Variants in TAFA1 observed in about 807,000 individuals in gnomAD.
TAFA1 encodes chemokine-like protein TAFA-1.
A neutral mutation model predicts 18.5 loss-of-function variants in TAFA1; 4 were observed. The ratio of observed to expected loss-of-function variants is 0.22; its 90% CI spans 0.11 to 0.49. The LOEUF is 0.49. Among genes scored for constraint, TAFA1 ranks in the 20% least tolerant of loss-of-function variants. TAFA1 has a pLI of 0.98. For synonymous variants in TAFA1, 56 were observed against 55.2 expected (o/e 1.01, Z -0.06); for missense variants, 147 against 169.0 (o/e 0.87, Z 0.72).
chr3:68,535,612 C>T (rs999699763), intron 3 of TAFA1, among the ~76,000 whole-genome samples: 4 of 152,016 alleles, frequency 2.6e-5, no homozygotes, highest in Non-Finnish European at 4.4e-5. Flanking sequence ...GCAAAATTAC[C>T]CTTGAGAAGT....
chr3:68,211,105 A>T (rs757824523), intron 2 of TAFA1, among the ~76,000 whole-genome samples: 16 of 152,152 alleles, frequency 1.1e-4, no homozygotes, highest in Admixed American at 5.2e-4. Context: ...CCAAGAGAGA[A>T]CAAGGCAGCC....
At chr3:68,538,918 A>G in intron 4 of TAFA1, 38 bp downstream of exon 4, 2 of 1,608,030 alleles carry the variant, frequency 1.2e-6, no homozygotes, top group South Asian at 1.1e-5. Context: ...TGGATGTTAC[A>G]GACTGTACTA....
intron 2 of TAFA1, among the ~76,000 whole-genome samples, chr3:68,397,140 C>CT (rs1374620619): frequency 6.6e-6 from 1 of 151,914 alleles, no homozygotes; most frequent in Non-Finnish European, 1.5e-5. Context: ...CGTTTTCTTT[C>CT]TTTTTTTTAA....
chr3:68,427,709 G>C (rs549062062), intron 3 of TAFA1, among the ~76,000 whole-genome samples: 8 of 151,808 alleles, frequency 5.3e-5, no homozygotes, highest in Admixed American at 4.6e-4. Flanking sequence ...GATAAAGTTT[G>C]GCTGTGTCCC....
chr3:68,374,032 G>A (rs1258565483), intron 2 of TAFA1, among the ~76,000 whole-genome samples: 1 of 152,128 alleles, frequency 6.6e-6, no homozygotes. Flanking sequence ...CGGAACCTGA[G>A]GGCAGGAATG....
intron 3 of TAFA1, among the ~76,000 whole-genome samples, chr3:68,419,493 C>G (rs1405223695): frequency 6.6e-6 from 1 of 152,118 alleles, no homozygotes; most frequent in Admixed American, 6.5e-5. Context: ...ATGTTACTGT[C>G]AAACAATGAG....
rs186753948 is a variant in TAFA1 at position 68,179,658 on chromosome 3, T to A, written c.118+172914T>A. ...GAGAACACTGAAAATGTTTTCTTTGTAAAGTTTCCAAAGTAACATCAGCTA... is the reference window on the plus strand; with the variant it reads ...GAGAACACTGAAAATGTTTTCTTTGAAAAGTTTCCAAAGTAACATCAGCTA... On this transcript the variant is annotated intron_variant, in intron 2 of 4. Coordinates refer to ENST00000478136, the MANE Select transcript of TAFA1 (RefSeq NM_213609.4). 2.6e-5 allele frequency among the ~76,000 whole-genome samples: 4 copies of A among 152,354 alleles called. No homozygotes were observed. In the East Asian group the frequency reaches 5.8e-4, roughly 22 times the overall value.
chr3:68,503,467 G>C (rs548597011), intron 3 of TAFA1, among the ~76,000 whole-genome samples: 1 of 152,244 alleles, frequency 6.6e-6, no homozygotes, highest in Non-Finnish European at 1.5e-5. Flanking sequence ...GATATGAAAT[G>C]TCCAGAATAG....
chr3:68,383,047 G>A (rs1176575219), intron 2 of TAFA1, among the ~76,000 whole-genome samples: 1 of 152,112 alleles, frequency 6.6e-6, no homozygotes. Context: ...TTTGTACATT[G>A]ATTTTGTATC....
chr3:68,143,636 C>G (rs542066923), intron 2 of TAFA1, among the ~76,000 whole-genome samples: 19 of 152,276 alleles, frequency 1.2e-4, no homozygotes, highest in African/African-American at 4.6e-4. Flanking sequence ...CCAGAAGAGT[C>G]TTCGGACATG....
chr3:68,339,105 G>C (rs955624020), intron 2 of TAFA1, among the ~76,000 whole-genome samples: 4 of 152,220 alleles, frequency 2.6e-5, no homozygotes, highest in Non-Finnish European at 5.9e-5. Flanking sequence ...ACCAATATCA[G>C]TGTGATGAGA....
intron 2 of TAFA1, among the ~76,000 whole-genome samples, chr3:68,197,894 G>T (rs1438802162): frequency 1.3e-5 from 2 of 151,668 alleles, no homozygotes; most frequent in African/African-American, 4.8e-5. Context: ...GACTTGAATT[G>T]TATGTAGTTA....
intron 2 of TAFA1, among the ~76,000 whole-genome samples, chr3:68,299,752 C>A (rs1362616509): frequency 6.6e-6 from 1 of 152,198 alleles, no homozygotes; most frequent in African/African-American, 2.4e-5. Flanking sequence ...AGTCTTGGGA[C>A]TTGGTGTCCT....
chr3:68,444,770 A>AT (rs2071445990), intron 3 of TAFA1, among the ~76,000 whole-genome samples: 1 of 53,792 alleles, frequency 1.9e-5, no homozygotes, highest in Non-Finnish European at 3.4e-5. Context: ...TGTTTCTACA[A>AT]AATATATATA....
chr3:68,532,147 C>T (rs1252499728), intron 3 of TAFA1, among the ~76,000 whole-genome samples: 1 of 152,036 alleles, frequency 6.6e-6, no homozygotes, highest in African/African-American at 2.4e-5. Flanking sequence ...CATGGGAGTC[C>T]CACAAATGTG....
At chr3:68,471,676 G>A (rs916063160) in intron 3 of TAFA1, among the ~76,000 whole-genome samples, 1 of 152,136 alleles carries the variant, frequency 6.6e-6, no homozygotes, top group Non-Finnish European at 1.5e-5. Context: ...ATTAGATGGT[G>A]CCCACCCAAA....
At chr3:68,286,180 C>T (rs990020813) in intron 2 of TAFA1, among the ~76,000 whole-genome samples, 6 of 152,100 alleles carry the variant, frequency 3.9e-5, no homozygotes, top group Admixed American at 3.9e-4. Context: ...CACTGCACTC[C>T]AGCCTGGTGA....
intron 3 of TAFA1, among the ~76,000 whole-genome samples, chr3:68,525,992 T>G (rs1219992684): frequency 6.6e-6 from 1 of 152,220 alleles, no homozygotes; most frequent in Non-Finnish European, 1.5e-5. Context: ...CTCAGCCACC[T>G]ATGACAGCTT....
intron 3 of TAFA1, among the ~76,000 whole-genome samples, chr3:68,437,950 A>G (rs2106856892): frequency 6.6e-6 from 1 of 152,248 alleles, no homozygotes; most frequent in Non-Finnish European, 1.5e-5. Flanking sequence ...TCCAAGACAC[A>G]CGGTGGGAGA....
Sources: allele counts gnomAD v4.1 joint callset (sites outside exome capture counted in the v4.1 genomes callset), GRCh38; gene constraint gnomAD v4.1.1; transcripts MANE v1.5; gene names NCBI Gene and HGNC (gene_info 2026-07-23, HGNC 2026-07-21).